The following NIM1K variants were observed in gnomAD, a reference collection of about 807,000 sequenced individuals.
NIM1K encodes the protein serine/threonine-protein kinase NIM1.
Under a neutral mutation model 37.1 loss-of-function variants are expected in NIM1K, and 35 were observed. That is an observed-to-expected ratio of 0.94 (90% CI 0.72 to 1.25). NIM1K has a LOEUF of 1.25. NIM1K is among the 50% of genes most tolerant of loss of function. The pLI is 0.00. For synonymous variants in NIM1K, 234 were observed against 206.6 expected (o/e 1.13, Z -1.14); for missense variants, 564 against 548.0 (o/e 1.03, Z -0.29).
At chr5:43,266,486 T>A (rs1009351978) in intron 2 of NIM1K, among the ~76,000 whole-genome samples, 1 of 152,174 alleles carries the variant, frequency 6.6e-6, no homozygotes, top group African/African-American at 2.4e-5. Flanking sequence ...AGTATTAGGG[T>A]GGGAGTGTCC....
At chr5:43,201,385 G>T (rs914198601) in intron 1 of NIM1K, among the ~76,000 whole-genome samples, 2 of 145,558 alleles carry the variant, frequency 1.4e-5, no homozygotes, top group Non-Finnish European at 3.0e-5. Context: ...CTCCAGCCTG[G>T]GTGACAGAAC....
intron 2 of NIM1K, among the ~76,000 whole-genome samples, chr5:43,266,710 C>A (rs1753168276): frequency 6.6e-6 from 1 of 152,214 alleles, no homozygotes; most frequent in Non-Finnish European, 1.5e-5. Context: ...ATGCTGGGAG[C>A]TGTAGACTGG....
intron 2 of NIM1K, among the ~76,000 whole-genome samples, chr5:43,262,754 T>C (rs868411521): frequency 3.9e-5 from 6 of 152,328 alleles, no homozygotes; most frequent in Middle Eastern, 3.4e-3. Flanking sequence ...TTATCATAAA[T>C]AGCTCTTACT....
intron 2 of NIM1K, among the ~76,000 whole-genome samples, chr5:43,253,232 G>GAATATAA (rs1463116926): frequency 2.0e-5 from 3 of 146,896 alleles, no homozygotes; most frequent in Non-Finnish European, 4.5e-5. Flanking sequence ...GTGTGTGTGT[G>GAATATAA]TGTGTGTGTG....
intron 1 of NIM1K, among the ~76,000 whole-genome samples, chr5:43,204,286 A>G (rs1225666689): frequency 6.7e-6 from 1 of 150,026 alleles, no homozygotes; most frequent in Non-Finnish European, 1.5e-5. Context: ...GTTTCACCAT[A>G]TTGGCCAGGC....
rs1220934306 is a variant in NIM1K, at chr5:43,280,043, T to C, written c.625T>C (p.Cys209Arg). The C allele has an allele frequency of 1.2e-6, 2 of 1,613,966 alleles. No homozygotes were observed. The highest frequency in any genetic ancestry group is 1.7e-6 in the Non-Finnish European group (2 of 1,179,962). ...AENVFYTSNT[C>R]VKVGDFGFST... The stretch of plus-strand genomic sequence containing the variant: ...AAATGTATTCTATACCAGTAATACT[T>C]GTGTGAAGGTGGGCGATTTTGGATT... The change falls in exon 4 of 4, where the codon TGT (cysteine) becomes CGT (arginine). Residue 209 changes from cysteine to arginine, a missense_variant. Physicochemically the swap from Cys to Arg is radical, Grantham distance 180 (BLOSUM62 -3). Coordinates refer to ENST00000326035, the MANE Select transcript of NIM1K (RefSeq NM_153361.4).
chr5:43,272,053 T>C (rs73096621), intron 2 of NIM1K, among the ~76,000 whole-genome samples: 4,851 of 152,268 alleles, frequency 0.032, 290 homozygotes, highest in African/African-American at 0.11. Context: ...CCACAATTTG[T>C]TTAACCATTC....
chr5:43,270,633 C>T (rs1302452148), intron 2 of NIM1K, among the ~76,000 whole-genome samples: 1 of 152,158 alleles, frequency 6.6e-6, no homozygotes, highest in Non-Finnish European at 1.5e-5. Flanking sequence ...GTATGTCTGC[C>T]AGGCGCTTTA....
intron 1 of NIM1K, among the ~76,000 whole-genome samples, chr5:43,197,858 A>C (rs1163293244): frequency 6.6e-6 from 1 of 152,176 alleles, no homozygotes; most frequent in African/African-American, 2.4e-5. Flanking sequence ...ACCTTGCCCC[A>C]CTAGCTGTAG....
intron 1 of NIM1K, among the ~76,000 whole-genome samples, chr5:43,220,854 G>A (rs1161570970): frequency 6.6e-6 from 1 of 152,088 alleles, no homozygotes; most frequent in East Asian, 1.9e-4. Context: ...GTGCTTTGAA[G>A]AAGCCGAGAG....
chr5:43,265,524 CT>C (rs1355712690), intron 2 of NIM1K, among the ~76,000 whole-genome samples: 1 of 152,198 alleles, frequency 6.6e-6, no homozygotes, highest in African/African-American at 2.4e-5. Flanking sequence ...TTGTCTAATC[CT>C]TTTTCAAGGT....
At chr5:43,279,213 T>C (rs938577630) in intron 3 of NIM1K, among the ~76,000 whole-genome samples, 6 of 152,300 alleles carry the variant, frequency 3.9e-5, no homozygotes, top group South Asian at 2.1e-4. Context: ...TAGCGTCATA[T>C]ATAGTTCTCA....
chr5:43,238,687 G>A (rs983135041), intron 1 of NIM1K, among the ~76,000 whole-genome samples: 1 of 151,912 alleles, frequency 6.6e-6, no homozygotes, highest in Non-Finnish European at 1.5e-5. Context: ...TTGTGCGGTA[G>A]ATGGCTATGT....
chr5:43,206,604 G>T, intron 1 of NIM1K: 1 of 616,324 alleles, frequency 1.6e-6, no homozygotes, highest in South Asian at 1.8e-5. Context: ...GCAAGTGCTA[G>T]TCCTGGCCTC....
intron 1 of NIM1K, among the ~76,000 whole-genome samples, chr5:43,198,200 T>TC (rs1751955449): frequency 2.0e-4 from 9 of 45,344 alleles, no homozygotes; most frequent in East Asian, 7.1e-4. Flanking sequence ...TCTTTCTTTC[T>TC]TTCTTTCTCT....
intron 2 of NIM1K, among the ~76,000 whole-genome samples, chr5:43,259,719 C>G (rs1327237520): frequency 6.6e-6 from 1 of 152,114 alleles, no homozygotes; most frequent in East Asian, 1.9e-4. Flanking sequence ...CAAATATTTT[C>G]TCCCATTCTG....
intron 1 of NIM1K, among the ~76,000 whole-genome samples, chr5:43,209,372 T>C (rs1398774515): frequency 6.6e-6 from 1 of 152,222 alleles, no homozygotes; most frequent in Non-Finnish European, 1.5e-5. Context: ...ATTTTCCAGC[T>C]AGAGAGGTGC....
rs546874651 is a variant in NIM1K, at chr5:43,276,961, T to A, written c.293-96T>A. 26 of 1,255,934 alleles carry A rather than the reference T, an allele frequency of 2.1e-5. No homozygotes were observed. The South Asian group carries it at 3.7e-4, about 18-fold the overall frequency. 77.8% of individuals were successfully genotyped at this position (1,255,934 alleles called of 1,614,324 possible). ...TCTCTCAGCTTGGGAACAGCCACTC[T>A]CTGTCTAGTAAAGGAAAGGAGCTGA... On this transcript the variant is annotated intron_variant, in intron 2 of 3. Coordinates refer to ENST00000326035, the MANE Select transcript of NIM1K (RefSeq NM_153361.4).
chr5:43,209,858 A>G (rs751207578), intron 1 of NIM1K, among the ~76,000 whole-genome samples: 3 of 152,166 alleles, frequency 2.0e-5, no homozygotes, highest in Non-Finnish European at 4.4e-5. Flanking sequence ...CAAGTGATCC[A>G]TCCACCTGGG....
Sources: allele counts gnomAD v4.1 joint callset (sites outside exome capture counted in the v4.1 genomes callset), GRCh38; gene constraint gnomAD v4.1.1; transcripts MANE v1.5; gene names NCBI Gene and HGNC (gene_info 2026-07-23, HGNC 2026-07-21).